LPP: variants seen among roughly 807,000 people sequenced by gnomAD.
LPP encodes LIM domain containing preferred translocation partner in lipoma.
A neutral mutation model predicts 60.4 loss-of-function variants in LPP; 38 were observed. The ratio of observed to expected loss-of-function variants is 0.63; its 90% CI spans 0.49 to 0.83. The LOEUF is 0.83. LPP is among the 40% of genes least tolerant of loss of function. The probability of loss-of-function intolerance (pLI) is 0.00; values close to 1 mark genes in which losing one functional copy is unlikely to be tolerated. For synonymous variants in LPP, 328 were observed against 290.8 expected, an observed-to-expected ratio of 1.13 and a Z score of -1.30; for missense variants, 902 against 783.6, an observed-to-expected ratio of 1.15 and a Z score of -1.80.
chr3:188,512,410 G>T (rs1815971778), intron 5 of LPP, among the ~76,000 whole-genome samples: 1 of 152,042 alleles, frequency 6.6e-6, no homozygotes, highest in Non-Finnish European at 1.5e-5. Flanking sequence ...AAATTAGCCA[G>T]GCGTGTTGGC....
chr3:188,708,759 G>A (rs1865994255), intron 8 of LPP: 1 of 309,470 alleles, frequency 3.2e-6, no homozygotes, highest in Non-Finnish European at 6.0e-6. Context: ...TCAGAAGGCT[G>A]AGGCTGGAGA....
In LPP at chr3:188,291,770, G is replaced by A. The variant is rs1246287670; in HGVS notation, c.-66-49893G>A. 3.9e-5 allele frequency among the ~76,000 whole-genome samples: 6 copies of A among 151,986 alleles called. No homozygotes were observed. The East Asian group carries it at 1.2e-3, about 29-fold the overall frequency. ...GTGTGCTTTATGACATCTCTATGAT[G>A]TAGGCAAGGCAGGGTTTATCATTAT... On this transcript the variant is annotated intron_variant, in intron 2 of 11. Transcript: ENST00000617246.
At chr3:188,471,744 T>C (rs1801900759) in intron 4 of LPP, among the ~76,000 whole-genome samples, 1 of 152,210 alleles carries the variant, frequency 6.6e-6, no homozygotes, top group Admixed American at 6.5e-5. Flanking sequence ...ATTTTACTTA[T>C]AAATGGTGTA....
chr3:188,433,465 G>A (rs1791461467), intron 4 of LPP, among the ~76,000 whole-genome samples: 1 of 151,836 alleles, frequency 6.6e-6, no homozygotes, highest in African/African-American at 2.4e-5. Flanking sequence ...GTGTCTCTTA[G>A]CAACCAACCC....
intron 4 of LPP, among the ~76,000 whole-genome samples, chr3:188,436,923 G>T (rs573098261): frequency 6.6e-6 from 1 of 152,154 alleles, no homozygotes; most frequent in African/African-American, 2.4e-5. Context: ...TCGATGGGGG[G>T]TAGGACATGA....
chr3:188,297,323 A>G (rs1323336794), intron 2 of LPP, among the ~76,000 whole-genome samples: 1 of 152,234 alleles, frequency 6.6e-6, no homozygotes, highest in Non-Finnish European at 1.5e-5. Context: ...TGTAAATTTC[A>G]GACTCCTTCC....
chr3:188,537,943 GTT>G (rs1377882912), intron 6 of LPP, among the ~76,000 whole-genome samples: 1 of 152,124 alleles, frequency 6.6e-6, no homozygotes, highest in Non-Finnish European at 1.5e-5. Flanking sequence ...AAACCATTAT[GTT>G]TATGGACAAT....
At chr3:188,439,080 T>G (rs886135438) in intron 4 of LPP, among the ~76,000 whole-genome samples, 2 of 152,176 alleles carry the variant, frequency 1.3e-5, no homozygotes, top group African/African-American at 2.4e-5. Context: ...GTACACTAGT[T>G]TCAAAATGTA....
chr3:188,370,714 G>A (rs1426016855), intron 3 of LPP, among the ~76,000 whole-genome samples: 16 of 152,092 alleles, frequency 1.1e-4, no homozygotes, highest in South Asian at 1.0e-3. Context: ...TTTTTTTCTC[G>A]TTGCCCGACA....
intron 7 of LPP, among the ~76,000 whole-genome samples, chr3:188,623,440 T>C (rs1846195618): frequency 6.6e-6 from 1 of 152,074 alleles, no homozygotes; most frequent in South Asian, 2.1e-4. Flanking sequence ...GTATTTTTAA[T>C]AGAGACAGGG....
intron 8 of LPP, among the ~76,000 whole-genome samples, chr3:188,725,741 C>T (rs899358685): frequency 5.9e-5 from 9 of 152,218 alleles, no homozygotes; most frequent in Admixed American, 5.2e-4. Flanking sequence ...TTACAAATAG[C>T]TCAATTCCAA....
At chr3:188,534,779 T>C (rs531262026) in intron 6 of LPP, among the ~76,000 whole-genome samples, 34 of 152,334 alleles carry the variant, frequency 2.2e-4, no homozygotes, top group African/African-American at 8.2e-4. Context: ...ATAATAAGGA[T>C]GATCTCTAGA....
rs1379048791 is a variant in LPP at position 188,487,516 on chromosome 3, A to T, written c.306+2812A>T. Among the ~76,000 whole-genome samples, 3 of 152,206 alleles carry T rather than the reference A, an allele frequency of 2.0e-5. No homozygotes were observed. In the East Asian group the frequency reaches 5.8e-4, roughly 29 times the overall value. ...TCTCTGTAAAACAGAAGGGAGGAGG[A>T]TAAAAAATAAAATACGGTTTGCCAA... On this transcript the variant is annotated intron_variant, in intron 5 of 11. Coordinates refer to ENST00000617246, the MANE Select transcript of LPP (RefSeq NM_001375462.1).
intron 1 of LPP, among the ~76,000 whole-genome samples, chr3:188,196,364 A>G (rs1000540219): frequency 6.6e-6 from 1 of 152,196 alleles, no homozygotes; most frequent in Non-Finnish European, 1.5e-5. Context: ...GGTGAGTGAC[A>G]TCGCCCAATC....
chr3:188,669,755 G>GTA (rs1242729001), intron 7 of LPP, among the ~76,000 whole-genome samples: 5 of 151,994 alleles, frequency 3.3e-5, no homozygotes, highest in South Asian at 4.2e-4. Context: ...CCATTACTGG[G>GTA]TATACCCAAA....
At chr3:188,624,810 C>CCTTCCT (rs752143655) in intron 7 of LPP, among the ~76,000 whole-genome samples, 10 of 147,120 alleles carry the variant, frequency 6.8e-5, no homozygotes, top group Non-Finnish European at 1.0e-4. Flanking sequence ...TTCCTTCCTT[C>CCTTCCT]TCTCTCTTTC....
intron 3 of LPP, among the ~76,000 whole-genome samples, chr3:188,365,792 T>C (rs950662940): frequency 6.6e-6 from 1 of 152,120 alleles, no homozygotes; most frequent in Admixed American, 6.6e-5. Context: ...AAAAGTTATG[T>C]ATAGTTAAGG....
At chr3:188,802,463 A>T (rs1747554784) in intron 9 of LPP, among the ~76,000 whole-genome samples, 1 of 152,186 alleles carries the variant, frequency 6.6e-6, no homozygotes, top group Non-Finnish European at 1.5e-5. Context: ...TTTAAATGAC[A>T]TCCAGTGAAT....
chr3:188,309,858 A>T (rs774575814), intron 2 of LPP, among the ~76,000 whole-genome samples: 1 of 152,206 alleles, frequency 6.6e-6, no homozygotes, highest in Non-Finnish European at 1.5e-5. Context: ...AAAACCACAT[A>T]CTTTCACATC....
Sources: allele counts gnomAD v4.1 joint callset (sites outside exome capture counted in the v4.1 genomes callset), GRCh38; gene constraint gnomAD v4.1.1; transcripts MANE v1.5; gene names NCBI Gene and HGNC (gene_info 2026-07-23, HGNC 2026-07-21).